The following DDX19A variants were observed in gnomAD, a reference collection of about 807,000 sequenced individuals.
DDX19A encodes the protein DEAD-box helicase 19A, also known as ATP-dependent RNA helicase DDX19A.
Under a neutral mutation model 60.6 loss-of-function variants are expected in DDX19A, and 12 were observed. That is an observed-to-expected ratio of 0.20 (90% confidence interval 0.13 to 0.32). The LOEUF (loss-of-function observed/expected upper bound fraction) is 0.32. DDX19A is among the 10% of genes least tolerant of loss of function. DDX19A has a pLI of 1.00. For synonymous variants in DDX19A, 206 were observed against 218.2 expected (o/e 0.94, Z 0.49); for missense variants, 337 against 600.6 (o/e 0.56, Z 4.59).
intron 4 of DDX19A, 119 bp from the exon 5 acceptor site, chr16:70,361,299 A>AGTTTTCCTCTTGT (rs1964357908): frequency 1.3e-6 from 1 of 794,594 alleles, no homozygotes; most frequent in Non-Finnish European, 2.1e-6. Context: ...AAGGCATAGG[A>AGTTTTCCTCTTGT]AAATACGTCT....
At position 70,350,614 on chromosome 16, in the gene DDX19A, C is replaced by T. The variant is rs1963981788; in HGVS notation, c.106+9C>T. 3.1e-6 allele frequency: 5 copies of T among 1,606,930 alleles called. No homozygotes were observed. The highest frequency in any genetic ancestry group is 4.3e-6 in the Non-Finnish European group (5 of 1,175,194). On this transcript the variant is annotated intron_variant, in intron 2 of 11. Transcript: ENST00000302243. Reference sequence around the variant, plus strand: ...CAAAGCAGATACCAATGGTGAGTCACTAGTAACTACAAGCTAGAAAAGAGT... The same window carrying T: ...CAAAGCAGATACCAATGGTGAGTCATTAGTAACTACAAGCTAGAAAAGAGT...
chr16:70,367,064 G>T (rs1349828648), intron 9 of DDX19A, among the ~76,000 whole-genome samples: 2 of 152,152 alleles, frequency 1.3e-5, no homozygotes, highest in African/African-American at 4.8e-5. Context: ...TGAACTTTAT[G>T]TCTTATTTGT....
intron 2 of DDX19A, among the ~76,000 whole-genome samples, chr16:70,351,177 C>T (rs984946211): frequency 1.1e-4 from 16 of 150,136 alleles, no homozygotes; most frequent in South Asian, 8.5e-4. Flanking sequence ...CCACTGTGCC[C>T]GGCCTAAATT....
intron 4 of DDX19A, among the ~76,000 whole-genome samples, chr16:70,359,123 G>C (rs1206235775): frequency 6.6e-6 from 1 of 152,164 alleles, no homozygotes; most frequent in Non-Finnish European, 1.5e-5. Context: ...AGGAAACAAA[G>C]AATGAAACCA....
At position 70,361,092 on chromosome 16, in the gene DDX19A, C is replaced by T. The variant is rs575869649; in HGVS notation, c.294-326C>T. 1.8e-4 allele frequency among the ~76,000 whole-genome samples: 28 copies of T among 152,264 alleles called. 1 individual carries two copies. Among genetic ancestry groups the T allele is most frequent in the South Asian group, 8.3e-4 (4 of 4,820 alleles). ...TTTATGTAATGCTATGAATTAATAA[C>T]CACCACCCTTGCTGTGTCCAGGGAA... On this transcript the variant is annotated intron_variant, in intron 4 of 11. Coordinates refer to ENST00000302243, the MANE Select transcript of DDX19A (RefSeq NM_018332.5).
At chr16:70,368,019 T>TA (rs962083425) in intron 9 of DDX19A, among the ~76,000 whole-genome samples, 18 of 151,882 alleles carry the variant, frequency 1.2e-4, no homozygotes, top group South Asian at 8.3e-4. Flanking sequence ...CTAAAACACT[T>TA]AAAAAAAATT....
rs1015913810 is a variant in DDX19A at position 70,372,814 on chromosome 16, C to T, written c.*828C>T. On this transcript the variant is annotated 3_prime_UTR_variant, in exon 12 of 12. Transcript: ENST00000302243. ...AGCGCATACGTAGTTGGTTCTTACC[C>T]CCAGGTGTCACACGGGGCCGAGAGC... is the stretch of plus-strand genomic sequence containing the variant. 6.6e-5 allele frequency: 10 copies of T among 152,344 alleles called. No individual in the cohort carries two copies. Among genetic ancestry groups the T allele is most frequent in the Middle Eastern group, 3.4e-3 (1 of 294 alleles). 9.4% of individuals were successfully genotyped at this position (152,344 alleles called of 1,614,324 possible). A position where few individuals can be genotyped will look rare whatever the true frequency, so the allele number is the denominator to read the frequency against.
rs113953053 is a variant in DDX19A, at chr16:70,355,266, T to A, written c.107-219T>A. ...GTGGTGCGTGCCTAATCCCAGCTAC[T>A]CAGGCGGCTGAGGCGGGAGAATTGC... On this transcript the variant is annotated intron_variant, in intron 2 of 11. Transcript: ENST00000302243. Among the ~76,000 whole-genome samples, 623 of 152,184 alleles carry A rather than the reference T, an allele frequency of 4.1e-3. 5 individuals carry two copies. Among genetic ancestry groups the A allele is most frequent in the African/African-American group, 0.014 (567 of 41,506 alleles).
chr16:70,354,396 C>G (rs1285481744), intron 2 of DDX19A, among the ~76,000 whole-genome samples: 2 of 152,174 alleles, frequency 1.3e-5, no homozygotes, highest in Admixed American at 1.3e-4. Context: ...ATCCACCCGC[C>G]TCAGCCTCCC....
intron 2 of DDX19A, 26 bp downstream of exon 2, chr16:70,350,631 GAA>G (rs1963982787): frequency 6.3e-7 from 1 of 1,586,966 alleles, no homozygotes; most frequent in African/African-American, 1.3e-5. Flanking sequence ...CTACAAGCTA[GAA>G]AAGAGTTCCA....
At chr16:70,358,309 G>T (rs1193527575) in intron 4 of DDX19A, among the ~76,000 whole-genome samples, 1 of 152,152 alleles carries the variant, frequency 6.6e-6, no homozygotes, top group Non-Finnish European at 1.5e-5. Context: ...GGGATTACAG[G>T]CATGAGCCAC....
At chr16:70,361,301 A>G (rs1964358008) in intron 4 of DDX19A, 117 bp from the exon 5 acceptor site, 1 of 805,464 alleles carries the variant, frequency 1.2e-6, no homozygotes, top group Non-Finnish European at 2.1e-6. Flanking sequence ...GGCATAGGAA[A>G]ATACGTCTGA....
In DDX19A at chr16:70,361,099, C is replaced by T. The variant is rs555131706; in HGVS notation, c.294-319C>T. ...AATGCTATGAATTAATAACCACCACCCTTGCTGTGTCCAGGGAACACTTGT... is the reference window on the plus strand; with the variant it reads ...AATGCTATGAATTAATAACCACCACTCTTGCTGTGTCCAGGGAACACTTGT... On this transcript the variant is annotated intron_variant, in intron 4 of 11. Transcript: ENST00000302243. Among the ~76,000 whole-genome samples the T allele has an allele frequency of 1.1e-4, 16 of 152,238 alleles. No individual in the cohort carries two copies. The South Asian group carries it at 1.7e-3, about 16-fold the overall frequency.
intron 2 of DDX19A, among the ~76,000 whole-genome samples, chr16:70,354,237 C>A (rs1331770841): frequency 6.6e-6 from 1 of 152,052 alleles, no homozygotes; most frequent in Non-Finnish European, 1.5e-5. Context: ...CCTCCGCCTC[C>A]CAGGTTCAAG....
intron 10 of DDX19A, 54 bp from the exon 11 acceptor site, chr16:70,371,318 T>G (rs1270784621): frequency 1.9e-6 from 3 of 1,614,060 alleles, no homozygotes; most frequent in East Asian, 4.5e-5. Context: ...TGGATGACAG[T>G]GATTTCTGTC....
At chr16:70,361,147 C>T (rs985184425) in intron 4 of DDX19A, among the ~76,000 whole-genome samples, 1 of 152,118 alleles carries the variant, frequency 6.6e-6, no homozygotes. Flanking sequence ...GCCAGATTTG[C>T]GGGTCTGCTG....
intron 3 of DDX19A, chr16:70,355,823 G>A (rs1310412776): frequency 8.7e-6 from 5 of 576,362 alleles, no homozygotes; most frequent in Non-Finnish European, 1.5e-5. Context: ...TGAGCTGGGT[G>A]TGGTAGCACA....
At chr16:70,359,296 A>C (rs778079409) in intron 4 of DDX19A, among the ~76,000 whole-genome samples, 4 of 152,238 alleles carry the variant, frequency 2.6e-5, no homozygotes, top group South Asian at 4.1e-4. Context: ...CGAGTGTCAC[A>C]GCATTTTCTC....
intron 2 of DDX19A, among the ~76,000 whole-genome samples, chr16:70,350,849 T>C (rs1001250076): frequency 4.1e-5 from 1 of 24,546 alleles, no homozygotes; most frequent in Non-Finnish European, 9.2e-5. Context: ...TTTTGGCAAA[T>C]TATTTATTTA....
Sources: gnomAD v4.1 joint callset for allele counts (sites outside exome capture counted in the v4.1 genomes callset) on GRCh38, gnomAD v4.1.1 for gene constraint, MANE v1.5 for transcripts, NCBI Gene and HGNC (gene_info 2026-07-23, HGNC 2026-07-21) for gene names.